Variants in NCKAP5L observed in about 807,000 individuals in gnomAD.
The protein encoded by NCKAP5L is NCK associated protein 5 like.
A neutral mutation model predicts 103.2 loss-of-function variants in NCKAP5L; 54 were observed. The observed-to-expected ratio is 0.52, with a 90% CI of 0.42 to 0.66. The LOEUF is 0.66. NCKAP5L is among the 30% of genes least tolerant of loss of function. The pLI is 0.00. For missense variants in NCKAP5L, 1,733 were observed against 1,750.6 expected (o/e 0.99, Z 0.18); for synonymous variants, 762 against 748.6 (o/e 1.02, Z -0.29).
At chr12:49,817,954 C>T (rs1156457153) in intron 1 of NCKAP5L, among the ~76,000 whole-genome samples, 2 of 151,954 alleles carry the variant, frequency 1.3e-5, no homozygotes, top group Non-Finnish European at 2.9e-5. Flanking sequence ...CATGGTGAAA[C>T]CTCATCTCTA....
chr12:49,824,698 T>G (rs1253185307), intron 1 of NCKAP5L, among the ~76,000 whole-genome samples: 1 of 152,244 alleles, frequency 6.6e-6, no homozygotes, highest in Non-Finnish European at 1.5e-5. Flanking sequence ...CACGGCCTGC[T>G]GCGTGCCTGG....
chr12:49,825,343 A>T (rs1231129793), intron 1 of NCKAP5L, among the ~76,000 whole-genome samples: 2 of 152,126 alleles, frequency 1.3e-5, no homozygotes, highest in Non-Finnish European at 2.9e-5. Flanking sequence ...GTCGAAGGAG[A>T]CAGTGAGAGC....
chr12:49,793,872 G>T lies in NCKAP5L; in HGVS notation c.3120C>A (p.Ser1040=), dbSNP rs528131830. ...CAGGCTTGGGCTCCCGCCAGCTCTT[G>T]GATGGCAGCTCCTTGCCATCCACCC... ...LNRVDGKELP[S]KSWREPKPEY... is the part of the protein sequence containing the mutation. Residue 1040 remains serine (S), a synonymous_variant, in exon 9 of 13, where the codon TCC becomes TCA. Transcript: ENST00000335999. The T allele has an allele frequency of 3.2e-6, 5 of 1,563,670 alleles. No homozygotes were observed. The South Asian group carries it at 4.8e-5, about 15-fold the overall frequency.
chr12:49,799,762 C>T (rs1946098758), intron 6 of NCKAP5L, among the ~76,000 whole-genome samples: 1 of 152,240 alleles, frequency 6.6e-6, no homozygotes, highest in Non-Finnish European at 1.5e-5. Flanking sequence ...TTGCTGTCTC[C>T]CTCACTGTCC....
At chr12:49,823,313 G>T (rs1464134688) in intron 1 of NCKAP5L, among the ~76,000 whole-genome samples, 1 of 152,032 alleles carries the variant, frequency 6.6e-6, no homozygotes, top group Non-Finnish European at 1.5e-5. Context: ...AGGTTCTGGG[G>T]GTGTCTGAAC....
chr12:49,815,519 C>T (rs542549829), intron 1 of NCKAP5L, among the ~76,000 whole-genome samples: 8 of 152,314 alleles, frequency 5.3e-5, no homozygotes, highest in African/African-American at 1.9e-4. Flanking sequence ...TTTCAACATG[C>T]TTCCTTTTCT....
chr12:49,816,200 T>A (rs562438287), intron 1 of NCKAP5L, among the ~76,000 whole-genome samples: 1 of 152,270 alleles, frequency 6.6e-6, no homozygotes, highest in South Asian at 2.1e-4. Context: ...AGGCCCTTCC[T>A]TGTATTTCTG....
chr12:49,808,846 G>A (rs1592755994), intron 1 of NCKAP5L, among the ~76,000 whole-genome samples: 2 of 152,326 alleles, frequency 1.3e-5, no homozygotes, highest in East Asian at 1.9e-4. Context: ...GCCCCAACAC[G>A]TCTGGGACGC....
At position 49,795,035 on chromosome 12, in the gene NCKAP5L, T is replaced by G; in HGVS notation, c.2825A>C (p.Glu942Ala). The G allele has an allele frequency of 6.2e-7, 1 of 1,609,334 alleles. No individual in the cohort carries two copies. Among genetic ancestry groups the G allele is most frequent in the Non-Finnish European group, 8.5e-7 (1 of 1,178,054 alleles). ...GAGCGGGGAGCCCCCGCCAGCCCCC[T>G]CCTTGTTCTTGGTGGCCTCTGTGCG... ...NRRTEATKNKEGAGGGSPLRR... is the reference protein window; with the variant it reads ...NRRTEATKNKAGAGGGSPLRR... Residue 942 changes from glutamate (E) to alanine (A), a missense_variant, in exon 8 of 13, where the codon GAG becomes GCG. By Grantham distance (107) the Glu-to-Ala change is moderately radical. Coordinates refer to ENST00000335999, the MANE Select transcript of NCKAP5L (RefSeq NM_001037806.4).
At position 49,803,808 on chromosome 12, in the gene NCKAP5L, C is replaced by T. The variant is rs565427971; in HGVS notation, c.123+114G>A. The T allele has an allele frequency of 1.4e-4, 197 of 1,368,268 alleles. 1 individual carries two copies. In the African/African-American group the frequency reaches 2.4e-3, roughly 16 times the overall value. The allele number at this position is 1,368,268 out of a possible 1,614,324, so 84.8% of individuals were successfully genotyped here. On this transcript the variant is annotated intron_variant, in intron 3 of 12. Transcript: ENST00000335999. ...TAGCCTCCTGCCTGGCAAAGCAGGC[C>T]GAGAGGAAGGCCCATGGCACCCAAA...
Position 49,793,339 on chromosome 12 carries a change from T to A in NCKAP5L, c.3340+13A>T. ...TGGGGGCAGGCCCATCCTCAGCCCC[T>A]GACCCTGCTGACCTGTGAAGTGTGA... On this transcript the variant is annotated intron_variant, in intron 10 of 12. Transcript: ENST00000335999. The A allele has an allele frequency of 6.2e-7, 1 of 1,604,470 alleles. No homozygotes were observed. Among genetic ancestry groups the A allele is most frequent in the African/African-American group, 1.3e-5 (1 of 75,036 alleles).
chr12:49,819,837 C>T (rs1189043007), intron 1 of NCKAP5L, among the ~76,000 whole-genome samples: 11 of 152,184 alleles, frequency 7.2e-5, no homozygotes, highest in African/African-American at 2.2e-4. Context: ...TTGGAGACAT[C>T]AAGTGAACAG....
In NCKAP5L at chr12:49,791,695, C is replaced by G. The variant is rs1945936353; in HGVS notation, c.*144G>C. ...CGAAGCAGTGGGTGGTGGGGTGTGC[C>G]AGGGACCCCCTTTTCACCTTCTTAT... On this transcript the variant is annotated 3_prime_UTR_variant, in exon 13 of 13. Coordinates refer to ENST00000335999, the MANE Select transcript of NCKAP5L (RefSeq NM_001037806.4). 4.5e-6 allele frequency: 3 copies of G among 670,828 alleles called. No homozygotes were observed. In the South Asian group the frequency reaches 6.4e-5, roughly 14 times the overall value. 41.6% of individuals were successfully genotyped at this position (670,828 alleles called of 1,614,324 possible).
At position 49,802,076 on chromosome 12, in the gene NCKAP5L, C is replaced by T. The variant is rs538557345; in HGVS notation, c.232-109G>A. The T allele has an allele frequency of 5.2e-5, 70 of 1,358,516 alleles. 1 individual carries two copies. The highest frequency in any genetic ancestry group is 2.0e-4 in the Middle Eastern group (1 of 4,996). 84.2% of individuals were successfully genotyped at this position (1,358,516 alleles called of 1,614,324 possible). A position where few individuals can be genotyped will look rare whatever the true frequency, so the allele number is the denominator to read the frequency against. On this transcript the variant is annotated intron_variant, in intron 5 of 12. Coordinates refer to ENST00000335999, the MANE Select transcript of NCKAP5L (RefSeq NM_001037806.4). ...TCTGTCTGGAGGCCCCAGGACCCTT[C>T]TGGGCACACACTTCCGCTGCAACCT...
In NCKAP5L at chr12:49,792,042, C is replaced by T. The variant is rs763851651; in HGVS notation, c.3802G>A (p.Val1268Met). The stretch of plus-strand genomic sequence containing the variant: ...GGCTCCTGGCTTCGCTTCCGGTCCA[C>T]GGGCAGGGCCTGGGAAAGGAGGGGC... The part of the protein sequence containing the change: ...GLPRTPMALP[V>M]DRKRSQEPSR... Residue 1268 changes from valine (V) to methionine (M), a missense_variant, in exon 13 of 13, where the codon GTG (valine) becomes ATG (methionine). Val to Met is a conservative substitution (Grantham distance 21). Transcript: ENST00000335999. This position sits in a 1 kb window ranked among gnomAD's most constrained non-coding sequence, Gnocchi z 4.5. 7.8e-6 allele frequency: 12 copies of T among 1,543,904 alleles called. No individual in the cohort carries two copies. The highest frequency in any genetic ancestry group is 2.3e-4 in the Middle Eastern group (1 of 4,268).
At chr12:49,822,347 G>A (rs757322811) in intron 1 of NCKAP5L, among the ~76,000 whole-genome samples, 22 of 152,204 alleles carry the variant, frequency 1.4e-4, no homozygotes, top group Non-Finnish European at 2.5e-4. Context: ...CGACATAGGC[G>A]GCAGGAGAAA....
chr12:49,819,699 G>C (rs544482167), intron 1 of NCKAP5L, among the ~76,000 whole-genome samples: 1 of 152,204 alleles, frequency 6.6e-6, no homozygotes, highest in Non-Finnish European at 1.5e-5. Flanking sequence ...TGCCTCAAGG[G>C]AAGAAAAGAA....
rs528968275 is a variant in NCKAP5L at position 49,819,031 on chromosome 12, TAA to T, written c.-99+9289_-99+9290del. On this transcript the variant is annotated intron_variant, in intron 1 of 12. Transcript: ENST00000335999. ...AGACAACACAACAAGACCTTGTATT[TAA>T]AAAAAAAAAAAAAAAAAGGCCGGGT... Among the ~76,000 whole-genome samples, 97 of 122,276 alleles carry T rather than the reference TAA, an allele frequency of 7.9e-4. 1 individual carries two copies. The highest frequency in any genetic ancestry group is 1.1e-3 in the South Asian group (4 of 3,710). 80.2% of individuals were successfully genotyped at this position (122,276 alleles called of 152,430 possible). A position where few individuals can be genotyped will look rare whatever the true frequency, so the allele number is the denominator to read the frequency against.
At position 49,792,422 on chromosome 12, in the gene NCKAP5L, C is replaced by T. The variant is rs781405947; in HGVS notation, c.3792+24G>A. 1 of 1,612,656 alleles carries T rather than the reference C, an allele frequency of 6.2e-7. No individual in the cohort carries two copies. The highest frequency in any genetic ancestry group is 8.5e-7 in the Non-Finnish European group (1 of 1,179,384). On this transcript the variant is annotated intron_variant, in intron 12 of 12. Coordinates refer to ENST00000335999, the MANE Select transcript of NCKAP5L (RefSeq NM_001037806.4). The surrounding 1 kb of genome is among the most constrained non-coding windows in gnomAD (Gnocchi z 4.5). ...CTCCCTCCTGCTCCCGAGTCCTTTC[C>T]CTTTCCTCTGCTGCAATTCTCACCA...
Sources: gnomAD v4.1 joint callset for allele counts (sites outside exome capture counted in the v4.1 genomes callset) on GRCh38, gnomAD v4.1.1 for gene constraint, Gnocchi (gnomAD v3.1) non-coding constraint, MANE v1.5 for transcripts, NCBI Gene and HGNC (gene_info 2026-07-23, HGNC 2026-07-21) for gene names.